The following PGM1 variants were observed in gnomAD, a reference collection of about 807,000 sequenced individuals.
PGM1 encodes phosphoglucomutase-1.
PGM1 carries 52 observed loss-of-function variants against 55.6 expected under a neutral mutation model. The observed-to-expected ratio is 0.94, with a 90% CI of 0.75 to 1.18. The LOEUF is 1.18. PGM1 is among the 50% of genes most tolerant of loss of function. The pLI is 0.00. For synonymous variants in PGM1, 287 were observed against 271.7 expected (o/e 1.06, Z -0.55); for missense variants, 724 against 729.3 (o/e 0.99, Z 0.08).
intron 1 of PGM1, among the ~76,000 whole-genome samples, chr1:63,628,076 C>T (rs993849412): frequency 1.3e-5 from 2 of 152,136 alleles, no homozygotes; most frequent in Non-Finnish European, 2.9e-5. Flanking sequence ...CTCTGGACCT[C>T]AGCTTCTTCA....
At chr1:63,618,756 C>T (rs557628157) in intron 1 of PGM1, among the ~76,000 whole-genome samples, 7 of 152,218 alleles carry the variant, frequency 4.6e-5, no homozygotes, top group South Asian at 2.1e-4. Flanking sequence ...GTGGAGGCAC[C>T]GAGTCCAGAA....
chr1:63,615,973 C>T (rs1173196930), intron 1 of PGM1, among the ~76,000 whole-genome samples: 1 of 152,062 alleles, frequency 6.6e-6, no homozygotes, highest in African/African-American at 2.4e-5. Flanking sequence ...CTGCCCCTTA[C>T]GAGGCTGCTG....
rs771532708 is a variant in PGM1, at chr1:63,636,189, T to C, written c.874-45T>C. 23 of 1,573,382 alleles carry C rather than the reference T, an allele frequency of 1.5e-5. No individual in the cohort carries two copies. The East Asian group carries it at 3.4e-4, about 23-fold the overall frequency. On this transcript the variant is annotated intron_variant, in intron 5 of 10. Coordinates refer to ENST00000371084, the MANE Select transcript of PGM1 (RefSeq NM_002633.3). ...CCATGAAAGATAGTTTGATTTCTTATAGTTTGATTAAAAGGTCTTTCTTTG... is the reference window on the plus strand; with the variant it reads ...CCATGAAAGATAGTTTGATTTCTTACAGTTTGATTAAAAGGTCTTTCTTTG...
At chr1:63,621,079 G>A (rs1648867232) in intron 1 of PGM1, among the ~76,000 whole-genome samples, 1 of 151,952 alleles carries the variant, frequency 6.6e-6, no homozygotes, top group African/African-American at 2.4e-5. Flanking sequence ...TTTTTATATG[G>A]GGTTGAGTTC....
intron 1 of PGM1, among the ~76,000 whole-genome samples, chr1:63,626,320 T>C (rs1649013746): frequency 6.6e-6 from 1 of 152,154 alleles, no homozygotes; most frequent in Non-Finnish European, 1.5e-5. Flanking sequence ...TCCAGAGCCT[T>C]TTTTAAAAAT....
At chr1:63,611,629 G>T (rs1036700092) in intron 1 of PGM1, among the ~76,000 whole-genome samples, 1 of 152,188 alleles carries the variant, frequency 6.6e-6, no homozygotes, top group African/African-American at 2.4e-5. Context: ...TGTAGGCCGG[G>T]CGCAGTGGCT....
intron 6 of PGM1, 39 bp from the exon 7 acceptor site, chr1:63,638,646 G>A: frequency 7.3e-7 from 1 of 1,375,276 alleles, no homozygotes; most frequent in Non-Finnish European, 1.0e-6. Flanking sequence ...CACGCTAACA[G>A]TCCTGCTGTG....
chr1:63,614,548 A>G (rs1240555204), intron 1 of PGM1, among the ~76,000 whole-genome samples: 2 of 152,214 alleles, frequency 1.3e-5, no homozygotes, highest in African/African-American at 2.4e-5. Context: ...CTGGCTGCAT[A>G]TTACATTACA....
chr1:63,628,366 T>C (rs951949937), intron 1 of PGM1, among the ~76,000 whole-genome samples: 2 of 152,146 alleles, frequency 1.3e-5, no homozygotes, highest in Admixed American at 6.5e-5. Context: ...AACCAGGTGC[T>C]CCTTGGGAGG....
intron 1 of PGM1, among the ~76,000 whole-genome samples, chr1:63,604,117 T>C (rs1288171867): frequency 6.6e-6 from 1 of 152,174 alleles, no homozygotes; most frequent in East Asian, 1.9e-4. Flanking sequence ...ATCTTACCGC[T>C]GCAGATCTGT....
Position 63,654,510 on chromosome 1 carries a change from G to A in PGM1, c.1599+44G>A, listed in dbSNP as rs543106459. On this transcript the variant is annotated intron_variant, in intron 10 of 10. Coordinates refer to ENST00000371084, the MANE Select transcript of PGM1 (RefSeq NM_002633.3). The stretch of plus-strand genomic sequence containing the variant: ...CCCTGGTTAGTTCTTTCTGTTCAAG[G>A]GAATGATAGTTTCCCATTGAGCCTG... 36 of 1,605,694 alleles carry A rather than the reference G, an allele frequency of 2.2e-5. No homozygotes were observed. In the African/African-American group the frequency reaches 4.0e-4, roughly 18 times the overall value.
chr1:63,653,676 G>A (rs915025971), intron 9 of PGM1, among the ~76,000 whole-genome samples: 4 of 152,142 alleles, frequency 2.6e-5, no homozygotes, highest in African/African-American at 4.8e-5. Flanking sequence ...GATAATTGAT[G>A]TCCAGAGATA....
chr1:63,650,994 G>A (rs1417738473), intron 8 of PGM1, among the ~76,000 whole-genome samples: 1 of 152,028 alleles, frequency 6.6e-6, no homozygotes, highest in East Asian at 1.9e-4. Context: ...GTTGATAGGT[G>A]CGGCAAATCA....
Position 63,638,822 on chromosome 1 carries a change from G to A in PGM1, c.1144+22G>A, listed in dbSNP as rs748317379. On this transcript the variant is annotated intron_variant, in intron 7 of 10. Transcript: ENST00000371084. The stretch of plus-strand genomic sequence containing the variant: ...ACCGGTAAGTCACACTCCTGTGCTA[G>A]CATTTTCCTCCCTGTAACCACTATT... 2.1e-5 allele frequency: 31 copies of A among 1,505,422 alleles called. No individual in the cohort carries two copies. In the South Asian group the frequency reaches 3.3e-4, roughly 16 times the overall value. 93.3% of individuals were successfully genotyped at this position (1,505,422 alleles called of 1,614,324 possible). A position where few individuals can be genotyped will look rare whatever the true frequency, so the allele number is the denominator to read the frequency against.
chr1:63,650,369 T>A (rs560086158), intron 8 of PGM1, among the ~76,000 whole-genome samples: 5 of 152,194 alleles, frequency 3.3e-5, no homozygotes, highest in Non-Finnish European at 7.4e-5. Flanking sequence ...TCCACCCCTC[T>A]GTGCCTAGGG....
chr1:63,654,942 T>C (rs12027168), intron 10 of PGM1, among the ~76,000 whole-genome samples: 32,907 of 151,042 alleles, frequency 0.22, 3,880 homozygotes, highest in Admixed American at 0.34. Context: ...TAGGTTTACA[T>C]GCCTAGTAAG....
chr1:63,628,980 G>A (rs942895134), intron 1 of PGM1, among the ~76,000 whole-genome samples: 1 of 152,108 alleles, frequency 6.6e-6, no homozygotes, highest in Non-Finnish European at 1.5e-5. Flanking sequence ...CTTTAAAAAA[G>A]CCTTCTCTTT....
rs773853256 is a variant in PGM1, at chr1:63,659,626, C to T, written c.1640C>T (p.Ser547Phe). The change falls in exon 11 of 11, where the codon TCC becomes TTC. Residue 547 changes from serine to phenylalanine, a missense_variant. Ser to Phe is a radical substitution (Grantham distance 155). This residue lies in a region of PGM1 where 316 missense variants were observed against 313.1 expected (regional missense o/e 1.01). Coordinates refer to ENST00000371084, the MANE Select transcript of PGM1 (RefSeq NM_002633.3). ...APLISIALKV[S>F]QLQERTGRTA... Reference sequence around the variant, plus strand: ...CTTATTTCCATTGCTCTGAAAGTGTCCCAGCTGCAGGAGAGGACGGGACGC... The same window carrying T: ...CTTATTTCCATTGCTCTGAAAGTGTTCCAGCTGCAGGAGAGGACGGGACGC... The T allele has an allele frequency of 2.5e-6, 4 of 1,614,022 alleles. No homozygotes were observed. The Admixed American group carries it at 5.0e-5, about 20-fold the overall frequency.
chr1:63,630,153 C>T (rs1649156053), intron 3 of PGM1, 65 bp downstream of exon 3: 7 of 1,486,604 alleles, frequency 4.7e-6, no homozygotes, highest in East Asian at 2.3e-5. Flanking sequence ...TTCCTTTCAA[C>T]GTTTTAGTAG....
Sources: allele counts gnomAD v4.1 joint callset (sites outside exome capture counted in the v4.1 genomes callset), GRCh38; gene constraint gnomAD v4.1.1; regional missense constraint gnomAD v4.1.1; transcripts MANE v1.5; gene names NCBI Gene and HGNC (gene_info 2026-07-23, HGNC 2026-07-21).